ADCY7: variants seen among roughly 807,000 people sequenced by gnomAD.
ADCY7 encodes the protein adenylate cyclase 7.
In ADCY7, 72 loss-of-function variants were observed where a neutral mutation model predicts 120.6. The ratio of observed to expected loss-of-function variants is 0.60; its 90% confidence interval spans 0.49 to 0.73. The LOEUF is 0.73. ADCY7 is among the 30% of genes least tolerant of loss of function. ADCY7 has a pLI of 0.00. For synonymous variants in ADCY7, 661 were observed against 628.0 expected, an observed-to-expected ratio of 1.05 and a Z score of -0.78; for missense variants, 1,227 against 1,486.0, an observed-to-expected ratio of 0.83 and a Z score of 2.87.
intron 18 of ADCY7, 120 bp downstream of exon 18, chr16:50,309,766 GAGAA>G: frequency 3.4e-6 from 3 of 872,414 alleles, no homozygotes; most frequent in Non-Finnish European, 5.1e-6. Flanking sequence ...TGTGGAGGCT[GAGAA>G]CAGCCTCTCC....
intron 9 of ADCY7, 59 bp downstream of exon 9, chr16:50,300,932 G>C (rs2035675580): frequency 5.2e-6 from 8 of 1,528,708 alleles, no homozygotes; most frequent in Non-Finnish European, 7.1e-6. Context: ...TGGATGGAGG[G>C]TTCTGCGGTT....
At chr16:50,267,937 TC>T (rs1480372910) in intron 1 of ADCY7, among the ~76,000 whole-genome samples, 1 of 151,856 alleles carries the variant, frequency 6.6e-6, no homozygotes, top group Non-Finnish European at 1.5e-5. Context: ...TCTTCCCACC[TC>T]CAGAGGCCCT....
At chr16:50,247,790 G>A (rs1413700050) in intron 1 of ADCY7, among the ~76,000 whole-genome samples, 4 of 152,262 alleles carry the variant, frequency 2.6e-5, no homozygotes, top group African/African-American at 9.6e-5. Context: ...GTGTTCTAAA[G>A]CTGCCTCTCC....
chr16:50,265,738 C>T (rs1051566869), upstream of ADCY7, among the ~76,000 whole-genome samples: 2 of 152,146 alleles, frequency 1.3e-5, no homozygotes, highest in African/African-American at 4.8e-5. Context: ...GCTCGTAATC[C>T]CAGGATGCCA....
chr16:50,245,371 G>A (rs1216993494), upstream of ADCY7, among the ~76,000 whole-genome samples: 1 of 152,174 alleles, frequency 6.6e-6, no homozygotes, highest in East Asian at 1.9e-4. Flanking sequence ...GAAAGGGCGG[G>A]ATTCATGGGG....
At chr16:50,314,485 C>A in intron 24 of ADCY7, 79 bp downstream of exon 24, 1 of 1,042,292 alleles carries the variant, frequency 9.6e-7, no homozygotes, top group Non-Finnish European at 1.5e-6. Flanking sequence ...ACAGCTGCAC[C>A]TCGCCATCTA....
chr16:50,256,161 T>C (rs1251205606), intron 1 of ADCY7, among the ~76,000 whole-genome samples: 1 of 151,854 alleles, frequency 6.6e-6, no homozygotes, highest in Non-Finnish European at 1.5e-5. Context: ...TGGGAGAAAA[T>C]ATTTGCAAGC....
chr16:50,289,930 C>CTGGG lies in ADCY7; in HGVS notation c.172-527_172-526insTGGG, dbSNP rs561399484. 5.6e-4 allele frequency among the ~76,000 whole-genome samples: 85 copies of CTGGG among 152,326 alleles called. No individual in the cohort carries two copies. The South Asian group carries it at 7.0e-3, about 13-fold the overall frequency. ...AGGATGCTTGCTACTGTGTGCCAGC[C>CTGGG]CCCAGATCAGGCCTCTGCCCCCACG... On this transcript the variant is annotated intron_variant, in intron 2 of 25. Transcript: ENST00000673801.
intron 1 of ADCY7, among the ~76,000 whole-genome samples, chr16:50,280,871 T>C (rs1396462303): frequency 6.6e-6 from 1 of 152,080 alleles, no homozygotes; most frequent in Admixed American, 6.5e-5. Flanking sequence ...CAGAGCAGGT[T>C]GGTGGCTAAG....
intron 1 of ADCY7, among the ~76,000 whole-genome samples, chr16:50,284,514 G>A (rs910857858): frequency 4.6e-5 from 7 of 152,236 alleles, no homozygotes; most frequent in African/African-American, 7.2e-5. Flanking sequence ...GTGTCTGGCC[G>A]CCTCAGCTCT....
intron 1 of ADCY7, among the ~76,000 whole-genome samples, chr16:50,283,713 C>T (rs953449058): frequency 6.6e-6 from 1 of 152,182 alleles, no homozygotes; most frequent in Admixed American, 6.5e-5. Flanking sequence ...TAAGGGACCC[C>T]CTGGGACTGC....
At chr16:50,253,787 G>T (rs968373881) in intron 1 of ADCY7, among the ~76,000 whole-genome samples, 1 of 152,212 alleles carries the variant, frequency 6.6e-6, no homozygotes, top group Non-Finnish European at 1.5e-5. Flanking sequence ...GTGGTGAGGT[G>T]GGTTGAGGTG....
Position 50,308,417 on chromosome 16 carries a change from T to C in ADCY7, c.1935+6T>C, listed in dbSNP as rs1253364690. 1.2e-6 allele frequency: 2 copies of C among 1,614,086 alleles called. No homozygotes were observed. The highest frequency in any genetic ancestry group is 1.3e-5 in the African/African-American group (1 of 75,044). On this transcript the variant is annotated splice_donor_region_variant and intron_variant, in intron 16 of 25. Coordinates refer to ENST00000673801, the MANE Select transcript of ADCY7 (RefSeq NM_001114.5). ...GCTTTGCCACCAAGTTCTCGGTAAG[T>C]GGGGAGCTCTGGCCCCGCGGGCCCT...
intron 1 of ADCY7, among the ~76,000 whole-genome samples, chr16:50,247,987 T>C (rs575648513): frequency 6.6e-6 from 1 of 152,290 alleles, no homozygotes; most frequent in South Asian, 2.1e-4. Context: ...AGCCCCTGCG[T>C]ATCCCTTGTA....
At chr16:50,295,175 C>G (rs985378902) in intron 7 of ADCY7, among the ~76,000 whole-genome samples, 2 of 151,928 alleles carry the variant, frequency 1.3e-5, no homozygotes, top group Admixed American at 1.3e-4. Context: ...TAAACTTTTA[C>G]GTTTTGTTTG....
intron 5 of ADCY7, 74 bp downstream of exon 5, chr16:50,292,899 ATGC>A: frequency 6.4e-7 from 1 of 1,556,100 alleles, no homozygotes; most frequent in Non-Finnish European, 8.7e-7. Flanking sequence ...TGAGACACTC[ATGC>A]TGCCATGTGC....
intron 1 of ADCY7, among the ~76,000 whole-genome samples, chr16:50,286,422 C>A (rs2034583580): frequency 8.7e-6 from 1 of 114,310 alleles, no homozygotes; most frequent in African/African-American, 3.1e-5. Context: ...AGAGTGAGAC[C>A]CCATCTCAAA....
intron 3 of ADCY7, 108 bp from the exon 4 acceptor site, chr16:50,291,628 C>A: frequency 7.4e-7 from 1 of 1,350,688 alleles, no homozygotes; most frequent in Non-Finnish European, 1.0e-6. Context: ...GGCGAGGGAG[C>A]CAACCTAAGG....
chr16:50,310,834 T>C lies in ADCY7; in HGVS notation c.2308T>C (p.Cys770Arg), dbSNP rs776632939. Residue 770 changes from cysteine (C) to arginine (R), a missense_variant, in exon 19 of 26, where the codon TGC becomes CGC. Cys to Arg is a radical substitution (Grantham distance 180). Coordinates refer to ENST00000673801, the MANE Select transcript of ADCY7 (RefSeq NM_001114.5). ...CTCCCCATGCTGGCAGTGGGACTGCTGCGGCCAAGGCCTGGGCAACCTCAC... is the reference window on the plus strand; with the variant it reads ...CTCCCCATGCTGGCAGTGGGACTGCCGCGGCCAAGGCCTGGGCAACCTCAC... ...NLSPCWQWDCCGQGLGNLTKP... is the reference protein window; with the variant it reads ...NLSPCWQWDCRGQGLGNLTKP... 2 of 1,613,286 alleles carry C rather than the reference T, an allele frequency of 1.2e-6. No individual in the cohort carries two copies. The highest frequency in any genetic ancestry group is 2.7e-5 in the African/African-American group (2 of 74,900).
Sources: gnomAD v4.1 joint callset for allele counts (sites outside exome capture counted in the v4.1 genomes callset) on GRCh38, gnomAD v4.1.1 for gene constraint, MANE v1.5 for transcripts, NCBI Gene and HGNC (gene_info 2026-07-23, HGNC 2026-07-21) for gene names.